COL6A6: variants seen among roughly 807,000 people sequenced by gnomAD.
The protein encoded by COL6A6 is collagen type VI alpha 6 chain.
Under a neutral mutation model 208.6 loss-of-function variants are expected in COL6A6, and 183 were observed. The ratio of observed to expected loss-of-function variants is 0.88; its 90% CI spans 0.78 to 0.99. The LOEUF is 0.99. Ranked by LOEUF, COL6A6 falls within the 50% of genes least tolerant of loss-of-function variation. The probability of loss-of-function intolerance (pLI) is 0.00; values close to 1 mark genes in which losing one functional copy is unlikely to be tolerated. For missense variants in COL6A6, 2,816 were observed against 2,815.2 expected (o/e 1.00, Z -0.01); for synonymous variants, 973 against 1,011.8 (o/e 0.96, Z 0.73).
intron 36 of COL6A6, among the ~76,000 whole-genome samples, chr3:130,673,487 G>A (rs1422971665): frequency 2.7e-5 from 4 of 148,972 alleles, no homozygotes; most frequent in Admixed American, 2.0e-4. Context: ...GAGGTGCGGG[G>A]TAGGGGGACG....
At chr3:130,607,712 A>G (rs2064227031) in intron 21 of COL6A6, among the ~76,000 whole-genome samples, 1 of 152,238 alleles carries the variant, frequency 6.6e-6, no homozygotes, top group South Asian at 2.1e-4. Flanking sequence ...CTGAAGGTAC[A>G]GTGGAAAAAT....
chr3:130,653,624 C>T (rs991354807), intron 33 of COL6A6, among the ~76,000 whole-genome samples: 1 of 152,130 alleles, frequency 6.6e-6, no homozygotes, highest in African/African-American at 2.4e-5. Context: ...TTTGAATCCA[C>T]AGGAGAGTGA....
chr3:130,540,997 T>C (rs143812354), intron 1 of COL6A6, among the ~76,000 whole-genome samples: 3,946 of 152,334 alleles, frequency 0.026, 67 homozygotes, highest in South Asian at 0.057. Flanking sequence ...AATAGATTTT[T>C]TTATATTCCT....
intron 35 of COL6A6, 135 bp from the exon 36 acceptor site, chr3:130,664,868 T>G: frequency 3.3e-6 from 2 of 612,668 alleles, no homozygotes; most frequent in Non-Finnish European, 5.8e-6. Flanking sequence ...CTGCTTTCAT[T>G]TCATGTGATC....
At chr3:130,634,496 C>G (rs1028061029) in intron 26 of COL6A6, 94 bp from the exon 27 acceptor site, 2 of 1,150,822 alleles carry the variant, frequency 1.7e-6, no homozygotes, top group East Asian at 5.2e-5. Context: ...TCAGAGGTAC[C>G]AAAACTACAC....
In COL6A6 at chr3:130,571,044, C is replaced by G; in HGVS notation, c.2628C>G (p.Leu876=). The part of the protein sequence containing the change: ...FGTKLEVISV[L]QNDQAMGGST... The stretch of plus-strand genomic sequence containing the variant: ...CAAAACTGGAGGTAATTTCAGTGCT[C>G]CAGAATGACCAAGCCATGGGTGGCA... Residue 876 remains leucine (L), a synonymous_variant, in exon 7 of 37, where the codon CTC becomes CTG. Coordinates refer to ENST00000358511, the MANE Select transcript of COL6A6 (RefSeq NM_001102608.3). 6.2e-7 allele frequency: 1 copy of G among 1,613,770 alleles called. No individual in the cohort carries two copies. Among genetic ancestry groups the G allele is most frequent in the Non-Finnish European group, 8.5e-7 (1 of 1,179,806 alleles).
rs1245138557 is a variant in COL6A6, at chr3:130,564,990, A to G, written c.662-4A>G. ...ATTGTGCTTGTTTATTTCTTGCCAC[A>G]CAGCTTGCCAAGGCCCTTCTATGGC... On this transcript the variant is annotated splice_polypyrimidine_tract_variant and splice_region_variant and intron_variant, in intron 3 of 36. Transcript: ENST00000358511. 3 of 1,610,612 alleles carry G rather than the reference A, an allele frequency of 1.9e-6. No individual in the cohort carries two copies. The African/African-American group carries it at 4.0e-5, about 22-fold the overall frequency.
At chr3:130,653,550 C>T (rs2065704540) in intron 33 of COL6A6, among the ~76,000 whole-genome samples, 1 of 152,158 alleles carries the variant, frequency 6.6e-6, no homozygotes, top group Non-Finnish European at 1.5e-5. Context: ...GAACCCTTTG[C>T]TAAATGCCCC....
At chr3:130,618,962 G>A (rs1203435634) in intron 23 of COL6A6, among the ~76,000 whole-genome samples, 1 of 152,142 alleles carries the variant, frequency 6.6e-6, no homozygotes, top group Non-Finnish European at 1.5e-5. Flanking sequence ...TTTATACATT[G>A]CTTTTCAGGA....
intron 28 of COL6A6, among the ~76,000 whole-genome samples, chr3:130,638,912 T>C (rs574923838): frequency 6.6e-6 from 1 of 152,286 alleles, no homozygotes; most frequent in Non-Finnish European, 1.5e-5. Context: ...TTGATGTCCA[T>C]TTTTATCCAT....
chr3:130,603,020 G>A (rs572430078), intron 20 of COL6A6, among the ~76,000 whole-genome samples: 4 of 152,334 alleles, frequency 2.6e-5, no homozygotes, highest in African/African-American at 4.8e-5. Flanking sequence ...TCCACTAAGC[G>A]GGTAAGTGAT....
At chr3:130,562,705 AACT>A (rs1170396653) in intron 2 of COL6A6, among the ~76,000 whole-genome samples, 3 of 152,190 alleles carry the variant, frequency 2.0e-5, no homozygotes, top group South Asian at 2.1e-4. Context: ...AAGCCAAAAA[AACT>A]ACAAGAGGAA....
intron 33 of COL6A6, among the ~76,000 whole-genome samples, chr3:130,654,987 C>T (rs928873019): frequency 1.3e-5 from 2 of 152,094 alleles, no homozygotes; most frequent in Non-Finnish European, 2.9e-5. Context: ...TTGGTGGGTT[C>T]AGGTGGAGCC....
intron 1 of COL6A6, among the ~76,000 whole-genome samples, chr3:130,519,996 T>A (rs1710971380): frequency 6.6e-6 from 1 of 152,200 alleles, no homozygotes; most frequent in Non-Finnish European, 1.5e-5. Context: ...GTAGAGATCA[T>A]GGAGATCATT....
Position 130,565,347 on chromosome 3 carries a change from G to T in COL6A6, c.1015G>T (p.Val339Leu), listed in dbSNP as rs370740268. 2 of 1,613,482 alleles carry T rather than the reference G, an allele frequency of 1.2e-6. No individual in the cohort carries two copies. The highest frequency in any genetic ancestry group is 1.7e-5 in the Admixed American group (1 of 59,978). The change falls in exon 4 of 37, where the codon GTG becomes TTG. Residue 339 changes from valine (V) to leucine (L), a missense_variant. By Grantham distance (32) the Val-to-Leu change is conservative. Coordinates refer to ENST00000358511, the MANE Select transcript of COL6A6 (RefSeq NM_001102608.3). ...GGGGGTGCCCCAGATTGCCGTGCTG[G>T]TGACCCACCGAGATTCAGAAGACAA... The part of the protein sequence containing the change: ...NQGVPQIAVL[V>L]THRDSEDNVT...
At chr3:130,590,299 A>ATAAT (rs1553790224) in intron 12 of COL6A6, among the ~76,000 whole-genome samples, 1 of 9,176 alleles carries the variant, frequency 1.1e-4, no homozygotes, top group Non-Finnish European at 2.2e-4. Flanking sequence ...ATATATATAT[A>ATAAT]TTTTTTTTTT....
chr3:130,538,517 G>A (rs143564177), intron 1 of COL6A6, among the ~76,000 whole-genome samples: 2 of 152,302 alleles, frequency 1.3e-5, no homozygotes, highest in African/African-American at 2.4e-5. Flanking sequence ...GTGCCAACTC[G>A]TTTACACACA....
chr3:130,607,137 A>C (rs2064207393), intron 21 of COL6A6, among the ~76,000 whole-genome samples, 171 bp downstream of exon 21: 1 of 152,232 alleles, frequency 6.6e-6, no homozygotes, highest in Non-Finnish European at 1.5e-5. Context: ...TTTTAAAATG[A>C]TGTGGGAACT....
chr3:130,553,469 T>A (rs2062693830), intron 1 of COL6A6, among the ~76,000 whole-genome samples: 1 of 152,230 alleles, frequency 6.6e-6, no homozygotes, highest in African/African-American at 2.4e-5. Context: ...ATTCTGAAAT[T>A]CCTAAAGTGA....
Sources: allele counts gnomAD v4.1 joint callset (sites outside exome capture counted in the v4.1 genomes callset), GRCh38; gene constraint gnomAD v4.1.1; transcripts MANE v1.5; gene names NCBI Gene and HGNC (gene_info 2026-07-23, HGNC 2026-07-21).